ARB2A: variants seen among roughly 807,000 people sequenced by gnomAD.
The protein encoded by ARB2A is ARB2 cotranscriptional regulator A.
chr5:93,633,795 T>G, the ARB2A span, among the ~76,000 whole-genome samples: 2 of 152,142 alleles, frequency 1.3e-5, no homozygotes, highest in Non-Finnish European at 2.9e-5. Context: ...CAACATAGAT[T>G]GACAAATCTA....
At chr5:93,692,788 C>T in the ARB2A span, among the ~76,000 whole-genome samples, 1 of 152,100 alleles carries the variant, frequency 6.6e-6, no homozygotes, top group African/African-American at 2.4e-5. Context: ...CTAAAACTGA[C>T]CATATAATTG....
chr5:93,746,683 C>T, the ARB2A span, among the ~76,000 whole-genome samples: 2 of 151,974 alleles, frequency 1.3e-5, no homozygotes, highest in Admixed American at 6.5e-5. Flanking sequence ...AAAGGCCCTC[C>T]ATTTTATTTT....
the ARB2A span, among the ~76,000 whole-genome samples, chr5:93,681,154 T>A: frequency 6.6e-6 from 1 of 152,140 alleles, no homozygotes; most frequent in African/African-American, 2.4e-5. Flanking sequence ...AATAGGTGCT[T>A]TTATTACTAT....
the ARB2A span, chr5:94,055,568 T>C: frequency 1.1e-6 from 1 of 924,030 alleles, no homozygotes; most frequent in Non-Finnish European, 1.3e-6. Flanking sequence ...AAAAAAAAGT[T>C]TGTACACTCT....
chr5:93,985,617 G>C, the ARB2A span, among the ~76,000 whole-genome samples: 1 of 152,182 alleles, frequency 6.6e-6, no homozygotes, highest in African/African-American at 2.4e-5. Context: ...TGGAGACGGG[G>C]TTTCGCCCTG....
the ARB2A span, among the ~76,000 whole-genome samples, chr5:93,944,689 G>T: frequency 1.3e-5 from 2 of 151,592 alleles, no homozygotes; most frequent in Non-Finnish European, 2.9e-5. Context: ...AAGAATGAAA[G>T]AACAAAAGAA....
the ARB2A span, among the ~76,000 whole-genome samples, chr5:94,034,649 C>T: frequency 6.6e-6 from 1 of 152,192 alleles, no homozygotes; most frequent in African/African-American, 2.4e-5. Context: ...ACCAACTTTG[C>T]CCAAAAGAAG....
the ARB2A span, among the ~76,000 whole-genome samples, chr5:93,938,123 A>G: frequency 6.6e-6 from 1 of 152,204 alleles, no homozygotes; most frequent in African/African-American, 2.4e-5. Flanking sequence ...AAAATACAAC[A>G]GAATAACACC....
At chr5:93,724,153 A>G in the ARB2A span, among the ~76,000 whole-genome samples, 1 of 151,980 alleles carries the variant, frequency 6.6e-6, no homozygotes, top group African/African-American at 2.4e-5. Context: ...AAGAGTAAAA[A>G]TGATCGGTGA....
At chr5:93,621,307 C>A in the ARB2A span, among the ~76,000 whole-genome samples, 1 of 151,776 alleles carries the variant, frequency 6.6e-6, no homozygotes, top group African/African-American at 2.4e-5. Flanking sequence ...ACCCCCGCCC[C>A]CTCGCGGGCG....
the ARB2A span, among the ~76,000 whole-genome samples, chr5:93,721,946 T>G: frequency 1.3e-5 from 2 of 152,198 alleles, no homozygotes; most frequent in Non-Finnish European, 2.9e-5. Flanking sequence ...TTATGTATTT[T>G]GCTATATGCA....
At chr5:93,769,015 T>A in the ARB2A span, among the ~76,000 whole-genome samples, 1 of 152,178 alleles carries the variant, frequency 6.6e-6, no homozygotes. Context: ...CAGTGATATT[T>A]TAAGTTAAAA....
the ARB2A span, among the ~76,000 whole-genome samples, chr5:93,894,681 T>G: frequency 1.1e-4 from 16 of 152,152 alleles, no homozygotes; most frequent in Non-Finnish European, 1.5e-5. Flanking sequence ...TTTCTCATCA[T>G]CATCGCAGAT....
the ARB2A span, among the ~76,000 whole-genome samples, chr5:93,835,525 G>C: frequency 1.3e-5 from 2 of 152,174 alleles, no homozygotes; most frequent in Non-Finnish European, 2.9e-5. Flanking sequence ...TGGATGTAAA[G>C]GTTTTTTAAA....
the ARB2A span, among the ~76,000 whole-genome samples, chr5:93,935,350 A>C: frequency 3.9e-5 from 6 of 152,308 alleles, no homozygotes; most frequent in Non-Finnish European, 2.9e-5. Flanking sequence ...GTATCTAAGC[A>C]TATGAAGGGA....
At chr5:93,805,620 C>T in the ARB2A span, 1 of 985,138 alleles carries the variant, frequency 1.0e-6, no homozygotes, top group Non-Finnish European at 1.2e-6. Context: ...TACTGAATTA[C>T]ATTTCTCCAA....
the ARB2A span, among the ~76,000 whole-genome samples, chr5:93,732,324 AT>A: frequency 6.6e-6 from 1 of 152,232 alleles, no homozygotes; most frequent in Non-Finnish European, 1.5e-5. Flanking sequence ...TTCTTCAAAA[AT>A]GACAAGCAAA....
chr5:93,751,137 T>C, the ARB2A span, among the ~76,000 whole-genome samples: 77 of 150,124 alleles, frequency 5.1e-4, no homozygotes, highest in African/African-American at 1.9e-3. Context: ...GTAGGGTGTA[T>C]GTTTTTTTGC....
At chr5:93,793,175 T>C in the ARB2A span, among the ~76,000 whole-genome samples, 5 of 150,980 alleles carry the variant, frequency 3.3e-5, no homozygotes, top group African/African-American at 1.2e-4. Flanking sequence ...TGGGCTCAAG[T>C]GAACCTCTCG....
Sources: allele counts gnomAD v4.1 joint callset (sites outside exome capture counted in the v4.1 genomes callset), GRCh38; gene constraint gnomAD v4.1.1; transcripts MANE v1.5; gene names NCBI Gene and HGNC (gene_info 2026-07-23, HGNC 2026-07-21).